GALNT13: variants seen among roughly 807,000 people sequenced by gnomAD.
The protein encoded by GALNT13 is polypeptide N-acetylgalactosaminyltransferase 13, also known as UDP-GalNAc:polypeptide N-acetylgalactosaminyltransferase 13.
In GALNT13, 28 loss-of-function variants were observed where a neutral mutation model predicts 64.2. The observed-to-expected ratio is 0.44, with a 90% confidence interval of 0.32 to 0.60. The LOEUF (loss-of-function observed/expected upper bound fraction) is 0.60. Ranked by LOEUF, GALNT13 falls within the 20% of genes least tolerant of loss-of-function variation. The pLI is 0.05. For missense variants in GALNT13, 577 were observed against 669.8 expected (o/e 0.86, Z 1.53); for synonymous variants, 214 against 224.6 (o/e 0.95, Z 0.42).
chr2:153,901,934 TGAA>T (rs1410564007), intron 2 of GALNT13, among the ~76,000 whole-genome samples: 1 of 152,156 alleles, frequency 6.6e-6, no homozygotes, highest in East Asian at 1.9e-4. Flanking sequence ...CTTTTTGCAG[TGAA>T]GAAGAGATTG....
chr2:153,635,577 T>A, the GALNT13 span, among the ~76,000 whole-genome samples: 13 of 151,880 alleles, frequency 8.6e-5, no homozygotes, highest in Admixed American at 2.0e-4. Flanking sequence ...AAGTTGGAAA[T>A]GTAGATATTT....
chr2:153,290,268 C>T, the GALNT13 span, among the ~76,000 whole-genome samples: 1 of 152,046 alleles, frequency 6.6e-6, no homozygotes, highest in Non-Finnish European at 1.5e-5. Flanking sequence ...ACAGGCTAGC[C>T]TTGAACTTCA....
At chr2:154,357,848 C>T (rs1000361115) in intron 9 of GALNT13, among the ~76,000 whole-genome samples, 6 of 152,016 alleles carry the variant, frequency 3.9e-5, no homozygotes, top group African/African-American at 1.4e-4. Flanking sequence ...CTATTATGTT[C>T]AAATGGGACT....
chr2:154,387,475 A>G (rs1008325714), intron 9 of GALNT13, among the ~76,000 whole-genome samples: 1 of 152,090 alleles, frequency 6.6e-6, no homozygotes, highest in Non-Finnish European at 1.5e-5. Flanking sequence ...AAAATACACA[A>G]TGCATCGTTG....
chr2:153,446,352 A>G, the GALNT13 span, among the ~76,000 whole-genome samples: 1 of 152,202 alleles, frequency 6.6e-6, no homozygotes. Flanking sequence ...CTTCCTACAT[A>G]TCAGGCACAA....
intron 3 of GALNT13, among the ~76,000 whole-genome samples, chr2:153,979,619 T>C (rs1195224505): frequency 6.6e-6 from 1 of 152,184 alleles, no homozygotes; most frequent in Non-Finnish European, 1.5e-5. Flanking sequence ...TCTAATAGCT[T>C]TTAAAATACA....
intron 3 of GALNT13, among the ~76,000 whole-genome samples, chr2:154,019,205 C>A (rs936237819): frequency 1.3e-5 from 2 of 152,034 alleles, no homozygotes; most frequent in African/African-American, 4.8e-5. Context: ...AGAAACTTAA[C>A]CAAGATATAA....
chr2:153,871,884 G>A (rs1439400142), upstream of GALNT13: 2 of 151,250 alleles, frequency 1.3e-5, no homozygotes, highest in Non-Finnish European at 2.9e-5. Context: ...GGGAGGCGGC[G>A]GGCTGGGGTG....
intron 3 of GALNT13, among the ~76,000 whole-genome samples, chr2:153,969,706 A>G (rs912724064): frequency 6.6e-6 from 1 of 152,192 alleles, no homozygotes; most frequent in Non-Finnish European, 1.5e-5. Flanking sequence ...GGATTTTCAA[A>G]GGGATGATAA....
chr2:153,726,930 A>G, the GALNT13 span, among the ~76,000 whole-genome samples: 11 of 135,242 alleles, frequency 8.1e-5, no homozygotes, highest in African/African-American at 3.2e-4. Flanking sequence ...ACAGAGCGAG[A>G]CTCCATCTCA....
the GALNT13 span, among the ~76,000 whole-genome samples, chr2:153,183,951 C>T: frequency 4.6e-5 from 7 of 151,958 alleles, no homozygotes; most frequent in Admixed American, 2.0e-4. Flanking sequence ...CTCAGCTATG[C>T]GGGCTCTTTT....
intron 3 of GALNT13, among the ~76,000 whole-genome samples, chr2:153,970,878 A>T (rs922383784): frequency 1.3e-5 from 2 of 152,166 alleles, no homozygotes; most frequent in Non-Finnish European, 2.9e-5. Context: ...GTATATTTAG[A>T]ATTCAGACTT....
At chr2:153,521,359 T>C in the GALNT13 span, among the ~76,000 whole-genome samples, 303 of 152,268 alleles carry the variant, frequency 2.0e-3, no homozygotes, top group African/African-American at 6.6e-3. Flanking sequence ...TCCAAAAACA[T>C]AAACTACATC....
At chr2:154,173,534 A>G (rs1437431025) in intron 4 of GALNT13, among the ~76,000 whole-genome samples, 1 of 152,002 alleles carries the variant, frequency 6.6e-6, no homozygotes, top group African/African-American at 2.4e-5. Flanking sequence ...CGAGTAACCA[A>G]AGAAAAATAG....
At chr2:153,578,990 G>A in the GALNT13 span, among the ~76,000 whole-genome samples, 2 of 152,170 alleles carry the variant, frequency 1.3e-5, no homozygotes, top group Non-Finnish European at 2.9e-5. Context: ...TCTGGCTAAC[G>A]CATTCTAGGC....
chr2:153,665,860 A>T, the GALNT13 span, among the ~76,000 whole-genome samples: 1 of 152,122 alleles, frequency 6.6e-6, no homozygotes, highest in Non-Finnish European at 1.5e-5. Flanking sequence ...AGTTGGCAGG[A>T]ACAGGACTCC....
rs375484057 is a variant in GALNT13, at chr2:154,233,037, C to CAAAAAAAAAAAAAAAAAAA, written c.312-8991_312-8973dup. On this transcript the variant is annotated intron_variant, in intron 4 of 12. Transcript: ENST00000392825. ...CATGGGTGACAGAGTGACCCTGTCT[C>CAAAAAAAAAAAAAAAAAAA]AAAAAAAAAAAAAAAAAAAAGAAAA... Among the ~76,000 whole-genome samples the CAAAAAAAAAAAAAAAAAAA allele has an allele frequency of 1.9e-4, 11 of 58,926 alleles. 1 individual carries two copies. The highest frequency in any genetic ancestry group is 5.1e-4 in the East Asian group (1 of 1,964). 38.7% of individuals were successfully genotyped at this position (58,926 alleles called of 152,430 possible).
chr2:153,089,319 G>A, the GALNT13 span, among the ~76,000 whole-genome samples: 2 of 152,190 alleles, frequency 1.3e-5, no homozygotes, highest in African/African-American at 4.8e-5. Flanking sequence ...CTTCTGGCTT[G>A]TAATGTTTCT....
chr2:154,435,037 G>A lies in GALNT13; in HGVS notation c.1396-3555G>A, dbSNP rs997544530. 4.6e-5 allele frequency among the ~76,000 whole-genome samples: 7 copies of A among 152,234 alleles called. No homozygotes were observed. The South Asian group carries it at 1.5e-3, about 32-fold the overall frequency. On this transcript the variant is annotated intron_variant, in intron 11 of 12. Transcript: ENST00000392825. ...AATTGATTGTTTTTCCCTGCTTCTA[G>A]TCAGCTTAATCAAAGTGATTAGACT... is the stretch of plus-strand genomic sequence containing the variant.
Sources: gnomAD v4.1 joint callset for allele counts (sites outside exome capture counted in the v4.1 genomes callset) on GRCh38, gnomAD v4.1.1 for gene constraint, MANE v1.5 for transcripts, NCBI Gene and HGNC (gene_info 2026-07-23, HGNC 2026-07-21) for gene names.